Variants in CEP164 observed in about 807,000 individuals in gnomAD.
The protein encoded by CEP164 is centrosomal protein of 164 kDa.
Under a neutral mutation model 182.7 loss-of-function variants are expected in CEP164, and 162 were observed. The ratio of observed to expected loss-of-function variants is 0.89; its 90% CI spans 0.78 to 1.01. The LOEUF (loss-of-function observed/expected upper bound fraction) is 1.01. CEP164 is among the 50% of genes least tolerant of loss of function. The pLI, the probability that CEP164 is intolerant of heterozygous loss-of-function variation, is 0.00. For synonymous variants in CEP164, 661 were observed against 690.0 expected, an observed-to-expected ratio of 0.96 and a Z score of 0.66; for missense variants, 1,735 against 1,790.4, an observed-to-expected ratio of 0.97 and a Z score of 0.56.
intron 5 of CEP164, among the ~76,000 whole-genome samples, chr11:117,358,146 C>T (rs2040517048): frequency 6.6e-6 from 1 of 152,202 alleles, no homozygotes; most frequent in Non-Finnish European, 1.5e-5. Context: ...GGATAAGCTG[C>T]AGATTATCCT....
At chr11:117,387,125 C>G in intron 14 of CEP164, 78 bp from the exon 15 acceptor site, 2 of 1,278,556 alleles carry the variant, frequency 1.6e-6, no homozygotes, top group East Asian at 2.3e-5. Context: ...CTGTGATGTT[C>G]CGTATCCATT....
In CEP164 at chr11:117,381,574, T is replaced by G. The variant is rs1015100781; in HGVS notation, c.1410-127T>G. On this transcript the variant is annotated intron_variant, in intron 12 of 32. Transcript: ENST00000278935. Reference sequence around the variant, plus strand: ...TGCTATGGCTCTCCATGGATGGATGTGGGGGTGGGGCTGGAGCATAACCCA... The same window carrying G: ...TGCTATGGCTCTCCATGGATGGATGGGGGGGTGGGGCTGGAGCATAACCCA... The G allele has an allele frequency of 3.6e-6, 4 of 1,125,622 alleles. No homozygotes were observed. In the African/African-American group the frequency reaches 6.4e-5, roughly 18 times the overall value. 69.7% of individuals were successfully genotyped at this position (1,125,622 alleles called of 1,614,324 possible).
chr11:117,364,972 G>T (rs909465805), intron 8 of CEP164, among the ~76,000 whole-genome samples: 11 of 152,178 alleles, frequency 7.2e-5, no homozygotes, highest in African/African-American at 2.7e-4. Flanking sequence ...CTTTGAAACT[G>T]TTCCTTCTGA....
At chr11:117,374,237 G>T (rs529014449) in intron 10 of CEP164, among the ~76,000 whole-genome samples, 41 of 152,126 alleles carry the variant, frequency 2.7e-4, no homozygotes, top group Non-Finnish European at 4.6e-4. Context: ...CAGTCCCCAG[G>T]CTCAGGCCAG....
chr11:117,388,487 T>C (rs2044205407), intron 15 of CEP164, among the ~76,000 whole-genome samples: 1 of 152,250 alleles, frequency 6.6e-6, no homozygotes, highest in Non-Finnish European at 1.5e-5. Context: ...TGCCCAAGCC[T>C]TTCTGAGGAA....
chr11:117,344,589 T>C (rs902341331), intron 4 of CEP164, among the ~76,000 whole-genome samples: 4 of 152,206 alleles, frequency 2.6e-5, no homozygotes, highest in African/African-American at 9.6e-5. Context: ...CCTTGCAGAC[T>C]GATATTGTAA....
intron 3 of CEP164, among the ~76,000 whole-genome samples, chr11:117,341,239 C>T (rs780232340): frequency 3.9e-5 from 6 of 152,158 alleles, no homozygotes; most frequent in African/African-American, 7.2e-5. Context: ...CAGGTGTAGG[C>T]ATTCTAACCT....
At chr11:117,397,001 A>G in intron 26 of CEP164, 90 bp from the exon 27 acceptor site, 2 of 1,178,594 alleles carry the variant, frequency 1.7e-6, no homozygotes, top group Non-Finnish European at 2.4e-6. Flanking sequence ...GTCTGTGCTC[A>G]GGGTTGGCAT....
chr11:117,371,590 C>T, intron 9 of CEP164, 124 bp downstream of exon 9: 1 of 1,206,106 alleles, frequency 8.3e-7, no homozygotes, highest in East Asian at 2.5e-5. Context: ...CGTGTCCCTG[C>T]ACTGGGCTGT....
chr11:117,394,633 T>A lies in CEP164; in HGVS notation c.2760+140T>A. 1.7e-6 allele frequency: 2 copies of A among 1,192,220 alleles called. No homozygotes were observed. The highest frequency in any genetic ancestry group is 2.3e-6 in the Non-Finnish European group (2 of 860,414). The allele number at this position is 1,192,220 out of a possible 1,614,324, so 73.9% of individuals were successfully genotyped here. ...AGTCTCTCACTGGCCATCTCCAAGC[T>A]GGGGCATCCTTGTTACTTTGTTTTC... On this transcript the variant is annotated intron_variant, in intron 21 of 32. Coordinates refer to ENST00000278935, the MANE Select transcript of CEP164 (RefSeq NM_014956.5). This position sits in a 1 kb window ranked among gnomAD's most constrained non-coding sequence, Gnocchi z 4.0.
intron 3 of CEP164, among the ~76,000 whole-genome samples, chr11:117,341,264 C>T (rs574237877): frequency 2.0e-5 from 3 of 152,278 alleles, no homozygotes; most frequent in African/African-American, 2.4e-5. Flanking sequence ...CCACCATTTT[C>T]TCTTCCTGGG....
chr11:117,398,492 A>G (rs538990440), intron 27 of CEP164, among the ~76,000 whole-genome samples: 2 of 152,350 alleles, frequency 1.3e-5, no homozygotes, highest in East Asian at 1.9e-4. Flanking sequence ...CTGACCCCAC[A>G]TGTCCCTTCT....
intron 4 of CEP164, among the ~76,000 whole-genome samples, chr11:117,347,608 G>T (rs1201789278): frequency 6.6e-6 from 1 of 151,998 alleles, no homozygotes; most frequent in Non-Finnish European, 1.5e-5. Context: ...TACTCGGGAG[G>T]CTGAGGCAGG....
intron 1 of CEP164, among the ~76,000 whole-genome samples, chr11:117,330,703 T>C (rs1475928285): frequency 6.6e-6 from 1 of 152,194 alleles, no homozygotes; most frequent in Non-Finnish European, 1.5e-5. Flanking sequence ...CCTTAACTTA[T>C]ATTGCCTGGT....
chr11:117,382,088 T>C (rs1428455641), intron 13 of CEP164, among the ~76,000 whole-genome samples: 2 of 152,144 alleles, frequency 1.3e-5, no homozygotes, highest in African/African-American at 4.8e-5. Context: ...TTCCTAGTCC[T>C]CAGTCTACAG....
chr11:117,356,676 G>A, intron 5 of CEP164: 1 of 1,213,644 alleles, frequency 8.2e-7, no homozygotes, highest in Non-Finnish European at 1.1e-6. Flanking sequence ...GGAGCAGGTG[G>A]AGTTGATGTC....
In CEP164 at chr11:117,362,497, G is replaced by A. The variant is rs757846050; in HGVS notation, c.646G>A (p.Glu216Lys). 6.2e-7 allele frequency: 1 copy of A among 1,613,814 alleles called. No homozygotes were observed. The highest frequency in any genetic ancestry group is 8.5e-7 in the Non-Finnish European group (1 of 1,179,982). Residue 216 changes from glutamate (E) to lysine (K), a missense_variant, in exon 7 of 33, where the codon GAA (glutamate) becomes AAA (lysine). Physicochemically the swap from Glu to Lys is moderately conservative, Grantham distance 56. Transcript: ENST00000278935. ...KTALSLLGLG[E>K]ETNEEDEEES... ...TGCTCTCAGCCTCTTGGGTTTAGGA[G>A]AAGAAACCAATGAGGAGGATGAGGA...
chr11:117,383,331 A>G (rs565100589), intron 14 of CEP164, among the ~76,000 whole-genome samples: 4 of 152,198 alleles, frequency 2.6e-5, no homozygotes, highest in Admixed American at 1.3e-4. Flanking sequence ...CAGTTCAGTG[A>G]AAGTTTGCAT....
chr11:117,407,821 A>G, intron 27 of CEP164, 104 bp from the exon 28 acceptor site: 1 of 707,794 alleles, frequency 1.4e-6, no homozygotes, highest in Non-Finnish European at 2.4e-6. Context: ...GAGAAAGCAG[A>G]CTATAGTAAT....
Sources: gnomAD v4.1 joint callset for allele counts (sites outside exome capture counted in the v4.1 genomes callset) on GRCh38, gnomAD v4.1.1 for gene constraint, Gnocchi (gnomAD v3.1) non-coding constraint, MANE v1.5 for transcripts, NCBI Gene and HGNC (gene_info 2026-07-23, HGNC 2026-07-21) for gene names.